Variants in SYNPR observed in about 807,000 individuals in gnomAD.
The protein encoded by SYNPR is synaptoporin.
Under a neutral mutation model 32.9 loss-of-function variants are expected in SYNPR, and 23 were observed. The ratio of observed to expected loss-of-function variants is 0.70; its 90% CI spans 0.50 to 0.99. SYNPR has a LOEUF of 0.99. SYNPR is among the 50% of genes least tolerant of loss of function. SYNPR has a pLI of 0.00. For synonymous variants in SYNPR, 146 were observed against 135.9 expected (o/e 1.07, Z -0.52); for missense variants, 318 against 349.3 (o/e 0.91, Z 0.71).
At chr3:63,362,832 T>A (rs897282302) in intron 2 of SYNPR, among the ~76,000 whole-genome samples, 2 of 152,192 alleles carry the variant, frequency 1.3e-5, no homozygotes, top group African/African-American at 2.4e-5. Flanking sequence ...CAAAATCTGT[T>A]CCTTTTAGTA....
chr3:63,296,897 C>A (rs979555039), intron 2 of SYNPR, among the ~76,000 whole-genome samples: 1 of 152,078 alleles, frequency 6.6e-6, no homozygotes, highest in African/African-American at 2.4e-5. Flanking sequence ...ATTCTATATC[C>A]TCACTGTTCA....
intron 2 of SYNPR, among the ~76,000 whole-genome samples, chr3:63,455,946 G>A (rs1423282174): frequency 6.6e-6 from 1 of 151,982 alleles, no homozygotes; most frequent in Non-Finnish European, 1.5e-5. Context: ...TTGGCAATTT[G>A]CAAAAGAAAG....
At chr3:63,285,913 A>G (rs2086675934) in intron 2 of SYNPR, among the ~76,000 whole-genome samples, 2 of 152,208 alleles carry the variant, frequency 1.3e-5, no homozygotes, top group East Asian at 1.9e-4. Flanking sequence ...TAAGTGCTCA[A>G]TAAAAGATTA....
chr3:63,289,672 A>G (rs986097285), intron 2 of SYNPR, among the ~76,000 whole-genome samples: 2 of 152,146 alleles, frequency 1.3e-5, no homozygotes, highest in African/African-American at 4.8e-5. Context: ...TACGGATCGA[A>G]TTTCAACTTG....
intron 1 of SYNPR, among the ~76,000 whole-genome samples, chr3:63,229,850 A>C (rs558899099): frequency 2.0e-5 from 3 of 152,272 alleles, no homozygotes; most frequent in African/African-American, 7.2e-5. Context: ...TGAACACTGC[A>C]ATTACTTTTG....
At chr3:63,572,774 T>A (rs1020111705) in intron 4 of SYNPR, among the ~76,000 whole-genome samples, 1 of 152,158 alleles carries the variant, frequency 6.6e-6, no homozygotes, top group Non-Finnish European at 1.5e-5. Context: ...CATAAAAAGG[T>A]GTAATTATGA....
At chr3:63,405,527 T>C (rs945964638) in intron 2 of SYNPR, among the ~76,000 whole-genome samples, 6 of 152,068 alleles carry the variant, frequency 3.9e-5, no homozygotes, top group Admixed American at 1.3e-4. Context: ...CAGACAGAGA[T>C]GAGACCCAGA....
At chr3:63,416,466 A>G (rs1239455534) in intron 2 of SYNPR, among the ~76,000 whole-genome samples, 2 of 134,958 alleles carry the variant, frequency 1.5e-5, no homozygotes, top group African/African-American at 5.5e-5. Flanking sequence ...CGGGACGTGG[A>G]GGTTTCAGTG....
intron 3 of SYNPR, among the ~76,000 whole-genome samples, chr3:63,524,698 AC>A (rs1392443228): frequency 6.6e-6 from 1 of 152,062 alleles, no homozygotes; most frequent in Non-Finnish European, 1.5e-5. Flanking sequence ...GCTTTTAGAC[AC>A]CATTCTGAAT....
chr3:63,550,209 G>A (rs984487264), intron 3 of SYNPR, among the ~76,000 whole-genome samples: 9 of 150,912 alleles, frequency 6.0e-5, no homozygotes, highest in African/African-American at 2.2e-4. Context: ...TATAATTGTT[G>A]CTTAAAAGAA....
chr3:63,319,387 G>T (rs1347825523), intron 2 of SYNPR, among the ~76,000 whole-genome samples: 1 of 151,824 alleles, frequency 6.6e-6, no homozygotes, highest in East Asian at 1.9e-4. Flanking sequence ...TTTTGCTTAG[G>T]ATTGCTTTGG....
At position 63,304,867 on chromosome 3, in the gene SYNPR, T is replaced by C. The variant is rs191014096; in HGVS notation, c.84+26125T>C. ...CGACAATGAGACAAACCAGTATCCC[T>C]GCAAACCTAAAAGATTTTCTACAAG... On this transcript the variant is annotated intron_variant, in intron 2 of 5. Transcript: ENST00000478300. Among the ~76,000 whole-genome samples the C allele has an allele frequency of 3.0e-3, 463 of 152,152 alleles. 2 individuals carry two copies. Among genetic ancestry groups the C allele is most frequent in the African/African-American group, 0.01 (433 of 41,556 alleles).
chr3:63,296,145 A>G (rs1018374242), intron 2 of SYNPR, among the ~76,000 whole-genome samples: 1 of 152,340 alleles, frequency 6.6e-6, no homozygotes, highest in East Asian at 1.9e-4. Flanking sequence ...GTTTTTGCCT[A>G]TAGGAGTAGC....
At chr3:63,519,446 T>C (rs1467732499) in intron 3 of SYNPR, among the ~76,000 whole-genome samples, 1 of 152,216 alleles carries the variant, frequency 6.6e-6, no homozygotes, top group Non-Finnish European at 1.5e-5. Flanking sequence ...ATTCTTCTTT[T>C]GTTCCCTGAG....
At chr3:63,252,946 G>T (rs1372066059) in intron 2 of SYNPR, among the ~76,000 whole-genome samples, 1 of 151,838 alleles carries the variant, frequency 6.6e-6, no homozygotes, top group Non-Finnish European at 1.5e-5. Context: ...GGCTGAGGTG[G>T]GAGGATTGCT....
At chr3:63,544,060 A>G (rs2106809108) in intron 3 of SYNPR, among the ~76,000 whole-genome samples, 1 of 152,192 alleles carries the variant, frequency 6.6e-6, no homozygotes, top group East Asian at 1.9e-4. Context: ...TACAAGAGGA[A>G]ACCGTTGGAG....
intron 2 of SYNPR, among the ~76,000 whole-genome samples, chr3:63,283,715 T>C (rs2086653658): frequency 6.7e-6 from 1 of 148,816 alleles, no homozygotes; most frequent in Non-Finnish European, 1.5e-5. Context: ...TCTTAAACTA[T>C]CATTTGGAAA....
intron 3 of SYNPR, among the ~76,000 whole-genome samples, chr3:63,536,579 T>A (rs1702212774): frequency 6.6e-6 from 1 of 152,194 alleles, no homozygotes; most frequent in Admixed American, 6.6e-5. Flanking sequence ...CATATGATTA[T>A]GTTACCACTA....
At chr3:63,502,510 A>G (rs1003238657) in intron 3 of SYNPR, among the ~76,000 whole-genome samples, 21 of 152,074 alleles carry the variant, frequency 1.4e-4, no homozygotes, top group African/African-American at 4.8e-4. Flanking sequence ...TATATGGAGT[A>G]TTTTCACTGC....
Sources: gnomAD v4.1 joint callset for allele counts (sites outside exome capture counted in the v4.1 genomes callset) on GRCh38, gnomAD v4.1.1 for gene constraint, MANE v1.5 for transcripts, NCBI Gene and HGNC (gene_info 2026-07-23, HGNC 2026-07-21) for gene names.